The following CFAP221 variants were observed in gnomAD, a reference collection of about 807,000 sequenced individuals.
The protein encoded by CFAP221 is cilia and flagella associated protein 221.
A neutral mutation model predicts 113.1 loss-of-function variants in CFAP221; 97 were observed. The observed-to-expected ratio is 0.86, with a 90% CI of 0.73 to 1.02. The LOEUF (loss-of-function observed/expected upper bound fraction) is 1.02. CFAP221 is among the 50% of genes least tolerant of loss of function. CFAP221 has a pLI of 0.00. For missense variants in CFAP221, 1,025 were observed against 1,013.4 expected, an observed-to-expected ratio of 1.01 and a Z score of -0.16; for synonymous variants, 331 against 354.4, an observed-to-expected ratio of 0.93 and a Z score of 0.74.
intron 6 of CFAP221, among the ~76,000 whole-genome samples, chr2:119,582,859 G>A (rs997245773): frequency 1.3e-5 from 2 of 151,584 alleles, no homozygotes; most frequent in Admixed American, 6.6e-5. Context: ...AAATATAAAA[G>A]CAATCAGTCC....
At chr2:119,560,172 G>A in intron 5 of CFAP221, 146 bp downstream of exon 5, 1 of 670,494 alleles carries the variant, frequency 1.5e-6, no homozygotes, top group Non-Finnish European at 2.5e-6. Context: ...TCACCAGTGT[G>A]ACTGGCGTGC....
intron 12 of CFAP221, among the ~76,000 whole-genome samples, chr2:119,611,303 A>T (rs1685142007): frequency 6.6e-6 from 1 of 151,654 alleles, no homozygotes; most frequent in African/African-American, 2.4e-5. Context: ...TTATAAAAAG[A>T]AGGTATCTAC....
intron 7 of CFAP221, among the ~76,000 whole-genome samples, chr2:119,588,593 T>C (rs1474102713): frequency 6.6e-6 from 1 of 152,134 alleles, no homozygotes; most frequent in African/African-American, 2.4e-5. Flanking sequence ...CTTAAAAAAA[T>C]CATGCAGGCC....
chr2:119,567,625 G>A (rs2104559796), intron 6 of CFAP221, among the ~76,000 whole-genome samples: 1 of 152,150 alleles, frequency 6.6e-6, no homozygotes, highest in African/African-American at 2.4e-5. Flanking sequence ...CAATTCCTTT[G>A]GGTAGATACC....
chr2:119,548,720 A>G (rs1680215594), intron 2 of CFAP221, among the ~76,000 whole-genome samples: 1 of 152,246 alleles, frequency 6.6e-6, no homozygotes, highest in Non-Finnish European at 1.5e-5. Flanking sequence ...TTCATTATGT[A>G]ATAAGTAATC....
rs890435224 is a variant in CFAP221, at chr2:119,605,304, A to G, written c.1133+15A>G. On this transcript the variant is annotated intron_variant, in intron 11 of 23. Transcript: ENST00000413369. ...CATCTTAAGTGGTAAATATTGAGCAATTGTTTGTATCAAGTGTCAGTACAG... is the reference window on the plus strand; with the variant it reads ...CATCTTAAGTGGTAAATATTGAGCAGTTGTTTGTATCAAGTGTCAGTACAG... 6.3e-7 allele frequency: 1 copy of G among 1,579,310 alleles called. No homozygotes were observed. Among genetic ancestry groups the G allele is most frequent in the Non-Finnish European group, 8.7e-7 (1 of 1,148,710 alleles).
intron 7 of CFAP221, among the ~76,000 whole-genome samples, chr2:119,587,997 A>T (rs555142296): frequency 9.2e-5 from 14 of 152,310 alleles, no homozygotes; most frequent in African/African-American, 3.4e-4. Flanking sequence ...ATATAGGGTA[A>T]CCACTGTTTA....
At chr2:119,611,546 C>T (rs1208517692) in intron 12 of CFAP221, 107 bp from the exon 13 acceptor site, 1 of 863,354 alleles carries the variant, frequency 1.2e-6, no homozygotes, top group Non-Finnish European at 1.8e-6. Flanking sequence ...ATGGGAACGT[C>T]GTGGGTGGAT....
chr2:119,608,612 T>C, intron 12 of CFAP221, 23 bp downstream of exon 12: 1 of 1,578,694 alleles, frequency 6.3e-7, no homozygotes, highest in Middle Eastern at 1.7e-4. Context: ...GCTAATTTGC[T>C]ATCATTTGTT....
chr2:119,648,436 T>C, intron 22 of CFAP221: 1 of 307,148 alleles, frequency 3.3e-6, no homozygotes, highest in Non-Finnish European at 7.3e-6. Flanking sequence ...TCTTTGGGGG[T>C]ATAAAGGAGC....
intron 21 of CFAP221, among the ~76,000 whole-genome samples, chr2:119,641,108 C>T (rs1291286285): frequency 2.0e-5 from 3 of 152,140 alleles, no homozygotes; most frequent in East Asian, 1.9e-4. Context: ...TGACTTCCTC[C>T]TTCATCATCT....
rs559659540 is a variant in CFAP221, at chr2:119,560,724, T to C, written c.426+698T>C. 5.9e-5 allele frequency among the ~76,000 whole-genome samples: 9 copies of C among 152,298 alleles called. No homozygotes were observed. The South Asian group carries it at 1.9e-3, about 32-fold the overall frequency. On this transcript the variant is annotated intron_variant, in intron 5 of 23. Coordinates refer to ENST00000413369, the MANE Select transcript of CFAP221 (RefSeq NM_001271049.2). Reference sequence around the variant, plus strand: ...ACAAATGAGTTTCTACTTTTTTTCTTTTCAGGCAAATTTCCTACAATCTGC... The same window carrying C: ...ACAAATGAGTTTCTACTTTTTTTCTCTTCAGGCAAATTTCCTACAATCTGC...
At chr2:119,567,229 A>G (rs1304457747) in intron 6 of CFAP221, among the ~76,000 whole-genome samples, 1 of 151,540 alleles carries the variant, frequency 6.6e-6, no homozygotes, top group Non-Finnish European at 1.5e-5. Context: ...TTGTAGTATC[A>G]TACAGAGTAT....
Position 119,605,229 on chromosome 2 carries a change from C to T in CFAP221, c.1073C>T (p.Ala358Val), listed in dbSNP as rs1164217816. ...TCAAAAACGAGACAGATGAAGGAGG[C>T]ACTCTTTGAACAGAAAGTCAGACAG... ...EISKTRQMKEALFEQKVRQDI... is the reference protein window; with the variant it reads ...EISKTRQMKEVLFEQKVRQDI... The change falls in exon 11 of 24, where the codon GCA (alanine) becomes GTA (valine). Residue 358 changes from alanine to valine, a missense_variant. By Grantham distance (64) the Ala-to-Val change is moderately conservative. Coordinates refer to ENST00000413369, the MANE Select transcript of CFAP221 (RefSeq NM_001271049.2). The T allele has an allele frequency of 1.9e-6, 3 of 1,614,064 alleles. No homozygotes were observed. The highest frequency in any genetic ancestry group is 2.5e-6 in the Non-Finnish European group (3 of 1,180,038).
intron 7 of CFAP221, among the ~76,000 whole-genome samples, chr2:119,599,410 C>T (rs962411654): frequency 6.6e-6 from 1 of 152,138 alleles, no homozygotes; most frequent in Non-Finnish European, 1.5e-5. Flanking sequence ...TGGGTTCATT[C>T]ACTCATTCAA....
chr2:119,546,975 C>T (rs965540598), intron 2 of CFAP221, among the ~76,000 whole-genome samples: 1 of 152,148 alleles, frequency 6.6e-6, no homozygotes, highest in Non-Finnish European at 1.5e-5. Flanking sequence ...AGGTGAAACT[C>T]AAAGAGACCA....
downstream of CFAP221, among the ~76,000 whole-genome samples, chr2:119,658,065 C>T (rs1325533744): frequency 6.6e-6 from 1 of 152,156 alleles, no homozygotes; most frequent in East Asian, 1.9e-4. Context: ...TTTTTTCCCA[C>T]TCTGTATCTA....
At position 119,608,598 on chromosome 2, in the gene CFAP221, T is replaced by A. The variant is rs371898156; in HGVS notation, c.1221+9T>A. 1.4e-5 allele frequency: 23 copies of A among 1,596,406 alleles called. No individual in the cohort carries two copies. Among genetic ancestry groups the A allele is most frequent in the African/African-American group, 1.1e-4 (8 of 74,104 alleles). The stretch of plus-strand genomic sequence containing the variant: ...CATGTGCCAAATATAAGGTCAGAGT[T>A]ACTGCTAATTTGCTATCATTTGTTT... On this transcript the variant is annotated intron_variant, in intron 12 of 23. Transcript: ENST00000413369.
At chr2:119,605,653 GAGGCCTTCTGGGT>G (rs1558954846) in intron 11 of CFAP221, among the ~76,000 whole-genome samples, 4 of 152,164 alleles carry the variant, frequency 2.6e-5, no homozygotes. Flanking sequence ...GTGTGCCCCA[GAGGCCTTCTGGGT>G]AGCCCAGTGG....
Sources: gnomAD v4.1 joint callset for allele counts (sites outside exome capture counted in the v4.1 genomes callset) on GRCh38, gnomAD v4.1.1 for gene constraint, MANE v1.5 for transcripts, NCBI Gene and HGNC (gene_info 2026-07-23, HGNC 2026-07-21) for gene names.